The following RIMS2 variants were observed in gnomAD, a reference collection of about 807,000 sequenced individuals.
The protein encoded by RIMS2 is regulating synaptic membrane exocytosis protein 2.
In RIMS2, 59 loss-of-function variants were observed where a neutral mutation model predicts 174.4. That is an observed-to-expected ratio of 0.34 (90% CI 0.27 to 0.42). The LOEUF is 0.42. Ranked by LOEUF, RIMS2 falls within the 10% of genes least tolerant of loss-of-function variation. The probability of loss-of-function intolerance (pLI) is 1.00; values close to 1 mark genes in which losing one functional copy is unlikely to be tolerated. For missense variants in RIMS2, 1,620 were observed against 1,666.3 expected (o/e 0.97, Z 0.48); for synonymous variants, 606 against 572.5 (o/e 1.06, Z -0.84).
intron 1 of RIMS2, among the ~76,000 whole-genome samples, chr8:103,642,004 AT>A (rs139638779): frequency 0.19 from 28,786 of 152,092 alleles, 2,942 homozygotes; most frequent in Middle Eastern, 0.3. Context: ...CCATTCTGAT[AT>A]TCTCTGCTTT....
intron 2 of RIMS2, among the ~76,000 whole-genome samples, chr8:103,711,832 G>A (rs150907777): frequency 3.3e-5 from 5 of 152,008 alleles, no homozygotes; most frequent in African/African-American, 9.7e-5. Flanking sequence ...GGGAGGCGGC[G>A]GATGGAGTAA....
At chr8:104,213,460 C>T (rs1328459376) in intron 19 of RIMS2, among the ~76,000 whole-genome samples, 3 of 152,188 alleles carry the variant, frequency 2.0e-5, no homozygotes, top group Non-Finnish European at 4.4e-5. Flanking sequence ...TCTGTCTACT[C>T]ATTACATTGT....
intron 1 of RIMS2, among the ~76,000 whole-genome samples, chr8:103,688,887 C>G (rs534680388): frequency 6.6e-6 from 1 of 152,040 alleles, no homozygotes; most frequent in African/African-American, 2.4e-5. Flanking sequence ...CCTCCTTCTA[C>G]TAACTTTGGG....
intron 2 of RIMS2, among the ~76,000 whole-genome samples, chr8:103,747,626 C>T (rs1314047674): frequency 6.6e-6 from 1 of 151,932 alleles, no homozygotes; most frequent in Non-Finnish European, 1.5e-5. Flanking sequence ...GAGATGTCAT[C>T]TTTGTGGATG....
chr8:104,244,084 C>G (rs1423487448), intron 19 of RIMS2, among the ~76,000 whole-genome samples: 2 of 152,134 alleles, frequency 1.3e-5, no homozygotes, highest in African/African-American at 4.8e-5. Context: ...AATCCCACAG[C>G]CTCTATGACA....
chr8:103,709,988 C>A (rs1421088154), intron 2 of RIMS2, among the ~76,000 whole-genome samples: 2 of 152,028 alleles, frequency 1.3e-5, no homozygotes, highest in African/African-American at 4.8e-5. Context: ...CATTTTTATT[C>A]AAGCAAGAGA....
chr8:103,872,923 A>G (rs1484340958), intron 3 of RIMS2, among the ~76,000 whole-genome samples: 2 of 152,156 alleles, frequency 1.3e-5, no homozygotes, highest in South Asian at 2.1e-4. Context: ...TAGGCAACCA[A>G]TTGTGTTTGC....
At chr8:104,188,464 C>G (rs2098981097) in intron 19 of RIMS2, among the ~76,000 whole-genome samples, 1 of 151,322 alleles carries the variant, frequency 6.6e-6, no homozygotes, top group African/African-American at 2.4e-5. Context: ...CCATTATATG[C>G]TAGGCTTATA....
At chr8:103,959,887 C>T (rs1474700582) in intron 14 of RIMS2, among the ~76,000 whole-genome samples, 1 of 152,002 alleles carries the variant, frequency 6.6e-6, no homozygotes, top group African/African-American at 2.4e-5. Flanking sequence ...ACTAAATGCC[C>T]ACAAGAGAAA....
intron 1 of RIMS2, among the ~76,000 whole-genome samples, chr8:103,591,815 T>G (rs2094273973): frequency 6.6e-6 from 1 of 151,220 alleles, no homozygotes. Flanking sequence ...AGAATAAGTA[T>G]TGAAGATGGG....
At chr8:104,225,462 G>A (rs1269706734) in intron 19 of RIMS2, among the ~76,000 whole-genome samples, 2 of 152,068 alleles carry the variant, frequency 1.3e-5, no homozygotes, top group Admixed American at 1.3e-4. Flanking sequence ...AGGTTATTAT[G>A]GACTCATTTC....
At chr8:103,905,735 A>G (rs1472325301) in intron 4 of RIMS2, among the ~76,000 whole-genome samples, 3 of 139,614 alleles carry the variant, frequency 2.1e-5, no homozygotes, top group East Asian at 4.2e-4. Flanking sequence ...ACTTTTTGCT[A>G]TAGTTTCTTA....
chr8:103,847,128 C>A (rs768159075), intron 3 of RIMS2, among the ~76,000 whole-genome samples: 26 of 152,018 alleles, frequency 1.7e-4, no homozygotes, highest in Non-Finnish European at 1.5e-4. Flanking sequence ...GTTGAAGCAT[C>A]CCCCACTTTA....
At chr8:103,668,644 A>G (rs1191223206) in intron 1 of RIMS2, among the ~76,000 whole-genome samples, 1 of 139,794 alleles carries the variant, frequency 7.2e-6, no homozygotes, top group Non-Finnish European at 1.6e-5. Context: ...TGAGTCATGG[A>G]GTATAGACGA....
intron 3 of RIMS2, among the ~76,000 whole-genome samples, chr8:103,789,782 C>G (rs1398883696): frequency 3.7e-5 from 4 of 107,816 alleles, no homozygotes; most frequent in African/African-American, 1.5e-4. Flanking sequence ...GAGACAGGGT[C>G]AGGCTTTGTT....
intron 19 of RIMS2, among the ~76,000 whole-genome samples, chr8:104,163,210 A>C (rs1188687881): frequency 1.3e-5 from 2 of 152,176 alleles, no homozygotes; most frequent in African/African-American, 4.8e-5. Flanking sequence ...AAGTGGACAA[A>C]TTCTTCTAAT....
chr8:103,600,479 G>T (rs1208840704), intron 1 of RIMS2, among the ~76,000 whole-genome samples: 1 of 151,970 alleles, frequency 6.6e-6, no homozygotes, highest in Admixed American at 6.6e-5. Flanking sequence ...CCATATTGGC[G>T]AGGCTGGTCT....
At chr8:103,782,586 C>A (rs2098402273) in intron 3 of RIMS2, among the ~76,000 whole-genome samples, 1 of 152,008 alleles carries the variant, frequency 6.6e-6, no homozygotes, top group South Asian at 2.1e-4. Context: ...ATATGACCCA[C>A]TAGAAAGGAT....
At chr8:104,039,033 G>T (rs974302823) in intron 19 of RIMS2, among the ~76,000 whole-genome samples, 2 of 150,858 alleles carry the variant, frequency 1.3e-5, no homozygotes, top group South Asian at 2.1e-4. Context: ...TATAAATTTT[G>T]TACTTCCTGA....
Sources: gnomAD v4.1 joint callset for allele counts (sites outside exome capture counted in the v4.1 genomes callset) on GRCh38, gnomAD v4.1.1 for gene constraint, MANE v1.5 for transcripts, NCBI Gene and HGNC (gene_info 2026-07-23, HGNC 2026-07-21) for gene names.